HDGFL3: variants seen among roughly 807,000 people sequenced by gnomAD.
The protein encoded by HDGFL3 is hepatoma-derived growth factor-related protein 3.
A neutral mutation model predicts 27.6 loss-of-function variants in HDGFL3; 6 were observed. The observed-to-expected ratio is 0.22, with a 90% confidence interval of 0.12 to 0.43. The LOEUF is 0.43. HDGFL3 is among the 20% of genes least tolerant of loss of function. The pLI is 1.00. For synonymous variants in HDGFL3, 88 were observed against 88.9 expected, an observed-to-expected ratio of 0.99 and a Z score of 0.05; for missense variants, 207 against 250.1, an observed-to-expected ratio of 0.83 and a Z score of 1.16.
intron 1 of HDGFL3, among the ~76,000 whole-genome samples, chr15:83,190,182 T>C (rs959499073): frequency 3.7e-4 from 53 of 143,400 alleles, no homozygotes; most frequent in Non-Finnish European, 7.5e-5. Context: ...TACTCCAGCC[T>C]GGGCAACAGA....
At chr15:83,162,616 T>C (rs1181779345) in intron 2 of HDGFL3, among the ~76,000 whole-genome samples, 1 of 152,096 alleles carries the variant, frequency 6.6e-6, no homozygotes, top group Non-Finnish European at 1.5e-5. Context: ...GTCTATTACA[T>C]AAAAATAATA....
At chr15:83,142,588 A>T (rs1349832173) in intron 5 of HDGFL3, among the ~76,000 whole-genome samples, 1 of 152,222 alleles carries the variant, frequency 6.6e-6, no homozygotes, top group Non-Finnish European at 1.5e-5. Context: ...CTTAGAACCC[A>T]GGGTAACAAC....
At chr15:83,185,487 T>C (rs1022277301) in intron 1 of HDGFL3, among the ~76,000 whole-genome samples, 3 of 152,160 alleles carry the variant, frequency 2.0e-5, no homozygotes, top group Non-Finnish European at 2.9e-5. Flanking sequence ...GAGTTTCTTG[T>C]GGTAAAGAAG....
chr15:83,145,896 C>CT (rs2036882505), intron 5 of HDGFL3, among the ~76,000 whole-genome samples: 1 of 98,982 alleles, frequency 1.0e-5, no homozygotes, highest in Non-Finnish European at 2.0e-5. Flanking sequence ...CTTTCTTCTT[C>CT]CTTTTTTTTT....
rs1481438841 is a variant in HDGFL3, at chr15:83,136,950, T to C, written c.*2320A>G. On this transcript the variant is annotated 3_prime_UTR_variant, in exon 6 of 6. Transcript: ENST00000299633. ...TATTGTTTGACATATAAAATAATTA[T>C]AAGTGTAAAAAATTACAATTTAGTG... The C allele has an allele frequency of 8.5e-6, 2 of 233,926 alleles. No homozygotes were observed. The highest frequency in any genetic ancestry group is 8.3e-6 in the Non-Finnish European group (1 of 120,402). 14.5% of individuals were successfully genotyped at this position (233,926 alleles called of 1,614,324 possible). A position where few individuals can be genotyped will look rare whatever the true frequency, so the allele number is the denominator to read the frequency against.
At chr15:83,187,327 CAG>C (rs2037456208) in intron 1 of HDGFL3, among the ~76,000 whole-genome samples, 1 of 151,784 alleles carries the variant, frequency 6.6e-6, no homozygotes, top group Non-Finnish European at 1.5e-5. Context: ...GTTACACGGG[CAG>C]AGTTTTTTTT....
At chr15:83,205,932 A>G (rs943844945) in intron 1 of HDGFL3, among the ~76,000 whole-genome samples, 3 of 152,236 alleles carry the variant, frequency 2.0e-5, no homozygotes, top group African/African-American at 7.2e-5. Flanking sequence ...GTCTACTGGA[A>G]CCTGAATAAG....
rs573920084 is a variant in HDGFL3, at chr15:83,207,070, G to A, written c.84+261C>T. Among the ~76,000 whole-genome samples, 120 of 152,330 alleles carry A rather than the reference G, an allele frequency of 7.9e-4. No homozygotes were observed. The highest frequency in any genetic ancestry group is 6.8e-3 in the Middle Eastern group (2 of 292). ...GTCGGCACCGGCTTTCCAGGAGGAA[G>A]GCAGCGTCGGGCCTGCGGGGGCCGG... is the stretch of plus-strand genomic sequence containing the variant. On this transcript the variant is annotated intron_variant, in intron 1 of 5. Coordinates refer to ENST00000299633, the MANE Select transcript of HDGFL3 (RefSeq NM_016073.4). The surrounding 1 kb of genome is among the most constrained non-coding windows in gnomAD (Gnocchi z 4.8).
chr15:83,122,738 C>T (rs747407319), intron 3 of HDGFL3: 11 of 1,610,228 alleles, frequency 6.8e-6, no homozygotes, highest in Non-Finnish European at 9.3e-6. Context: ...ACTTCTTTCT[C>T]TTTCTCTCTT....
intron 3 of HDGFL3, among the ~76,000 whole-genome samples, chr15:83,117,136 C>A (rs899998037): frequency 6.6e-6 from 1 of 152,156 alleles, no homozygotes; most frequent in African/African-American, 2.4e-5. Flanking sequence ...TAAAAATGGT[C>A]ATGGCAGTGG....
intron 3 of HDGFL3, among the ~76,000 whole-genome samples, chr15:83,122,506 C>A (rs1253872632): frequency 1.3e-5 from 2 of 152,162 alleles, no homozygotes; most frequent in Non-Finnish European, 2.9e-5. Flanking sequence ...GTTGCCCAGG[C>A]TGGCTTGCAG....
rs1327118820 is a variant in HDGFL3 at position 83,134,360 on chromosome 15, A to G, written c.*4910T>C. 1.3e-5 allele frequency: 2 copies of G among 152,204 alleles called. No homozygotes were observed. The highest frequency in any genetic ancestry group is 2.9e-5 in the Non-Finnish European group (2 of 68,076). 9.4% of individuals were successfully genotyped at this position (152,204 alleles called of 1,614,324 possible). A position where few individuals can be genotyped will look rare whatever the true frequency, so the allele number is the denominator to read the frequency against. ...CTCAGCCTCCCGAGCAGCTGAGATT[A>G]CAGGCGTCTGCCACCACGCCCGGCT... On this transcript the variant is annotated 3_prime_UTR_variant, in exon 6 of 6. Transcript: ENST00000299633.
At chr15:83,127,744 C>T (rs2035896287), downstream of HDGFL3, 5 of 360,310 alleles carry the variant, frequency 1.4e-5, no homozygotes, top group South Asian at 2.8e-5. Context: ...CAAGGTTACA[C>T]ACCCAGCATG....
chr15:83,163,968 A>G (rs2037131806), intron 2 of HDGFL3, 31 bp downstream of exon 2: 2 of 1,391,606 alleles, frequency 1.4e-6, no homozygotes, highest in Non-Finnish European at 2.0e-6. Context: ...GAGTCAAGCT[A>G]GAGCTGTTGA....
At chr15:83,171,295 G>A (rs896819305) in intron 1 of HDGFL3, among the ~76,000 whole-genome samples, 2 of 150,680 alleles carry the variant, frequency 1.3e-5, no homozygotes, top group African/African-American at 4.9e-5. Flanking sequence ...CTGTTAGTGG[G>A]ACTGTAAATT....
rs1462211558 is a variant in HDGFL3 at position 83,135,339 on chromosome 15, C to G, written c.*3931G>C. ...TTCATATGGAAGAAATGTAAAATAACTTATATGTATTTAAAGCAAATTATC... is the reference window on the plus strand; with the variant it reads ...TTCATATGGAAGAAATGTAAAATAAGTTATATGTATTTAAAGCAAATTATC... On this transcript the variant is annotated 3_prime_UTR_variant, in exon 6 of 6. Transcript: ENST00000299633. 1 of 152,184 alleles carries G rather than the reference C, an allele frequency of 6.6e-6. No individual in the cohort carries two copies. The highest frequency in any genetic ancestry group is 1.5e-5 in the Non-Finnish European group (1 of 68,032). 9.4% of individuals were successfully genotyped at this position (152,184 alleles called of 1,614,324 possible).
In HDGFL3 at chr15:83,149,004, G is replaced by A. The variant is rs186058068; in HGVS notation, c.606+2211C>T. 3.5e-3 allele frequency among the ~76,000 whole-genome samples: 536 copies of A among 152,078 alleles called. 4 individuals are homozygous for A. The highest frequency in any genetic ancestry group is 0.02 in the Middle Eastern group (6 of 294). On this transcript the variant is annotated intron_variant, in intron 5 of 5. Transcript: ENST00000299633. ...TTGTGATGTTCTAGTTTTTAGGTTC[G>A]GTGGTAGGGTCACTTTATAGCTTTA...
intron 1 of HDGFL3, among the ~76,000 whole-genome samples, chr15:83,193,743 T>C (rs1055839021): frequency 2.6e-5 from 4 of 152,184 alleles, no homozygotes; most frequent in Non-Finnish European, 5.9e-5. Context: ...TTACAATCCT[T>C]TTTCTAGGAA....
downstream of HDGFL3, among the ~76,000 whole-genome samples, chr15:83,125,163 A>C (rs2035622015): frequency 6.6e-6 from 1 of 152,210 alleles, no homozygotes; most frequent in Non-Finnish European, 1.5e-5. Flanking sequence ...TCTCAGGAGT[A>C]GGGGCAATGG....
Sources: gnomAD v4.1 joint callset for allele counts (sites outside exome capture counted in the v4.1 genomes callset) on GRCh38, gnomAD v4.1.1 for gene constraint, Gnocchi (gnomAD v3.1) non-coding constraint, MANE v1.5 for transcripts, NCBI Gene and HGNC (gene_info 2026-07-23, HGNC 2026-07-21) for gene names.